NAALADL2: variants seen among roughly 807,000 people sequenced by gnomAD.
NAALADL2 encodes the protein N-acetylated alpha-linked acidic dipeptidase like 2, also known as inactive N-acetylated-alpha-linked acidic dipeptidase-like protein 2.
Under a neutral mutation model 87.2 loss-of-function variants are expected in NAALADL2, and 76 were observed. The observed-to-expected ratio is 0.87, with a 90% CI of 0.72 to 1.05. NAALADL2 has a LOEUF of 1.05. Ranked by LOEUF, NAALADL2 falls within the 50% of genes least tolerant of loss-of-function variation. The pLI is 0.00. For missense variants in NAALADL2, 1,089 were observed against 945.8 expected, an observed-to-expected ratio of 1.15 and a Z score of -1.99; for synonymous variants, 354 against 331.0, an observed-to-expected ratio of 1.07 and a Z score of -0.75.
intron 2 of NAALADL2, among the ~76,000 whole-genome samples, chr3:174,711,625 A>G (rs1415424330): frequency 2.0e-5 from 3 of 152,070 alleles, no homozygotes; most frequent in African/African-American, 7.2e-5. Context: ...TTCAGTGGCA[A>G]CCTTTATTCT....
At chr3:175,645,144 G>T (rs1178209989) in intron 11 of NAALADL2, among the ~76,000 whole-genome samples, 2 of 149,978 alleles carry the variant, frequency 1.3e-5, no homozygotes, top group East Asian at 2.0e-4. Context: ...CCTTTCATTT[G>T]CACAACAAAA....
chr3:174,840,156 T>C (rs1248516400), intron 3 of NAALADL2, among the ~76,000 whole-genome samples: 2 of 151,440 alleles, frequency 1.3e-5, no homozygotes, highest in Non-Finnish European at 2.9e-5. Context: ...ATATATCTAA[T>C]ATATATATCT....
chr3:175,785,994 G>A (rs1301002870), intron 13 of NAALADL2, among the ~76,000 whole-genome samples: 1 of 151,966 alleles, frequency 6.6e-6, no homozygotes, highest in Non-Finnish European at 1.5e-5. Context: ...GAAATTCTGG[G>A]TTGAAAATTC....
intron 11 of NAALADL2, among the ~76,000 whole-genome samples, chr3:175,637,127 T>G (rs1442627296): frequency 6.6e-6 from 1 of 152,230 alleles, no homozygotes; most frequent in African/African-American, 2.4e-5. Flanking sequence ...GAAATAAGCA[T>G]ACAGATATTG....
chr3:174,851,807 T>G (rs192983892), intron 3 of NAALADL2, among the ~76,000 whole-genome samples: 4 of 152,092 alleles, frequency 2.6e-5, no homozygotes, highest in Non-Finnish European at 4.4e-5. Context: ...TTTCTGATGA[T>G]CATAGATTCC....
At chr3:175,370,299 T>C (rs899200647) in intron 5 of NAALADL2, among the ~76,000 whole-genome samples, 4 of 152,186 alleles carry the variant, frequency 2.6e-5, no homozygotes. Flanking sequence ...CAAATTTTAA[T>C]AAAATAGGTT....
intron 12 of NAALADL2, among the ~76,000 whole-genome samples, chr3:175,754,256 C>G (rs1485104296): frequency 2.0e-5 from 3 of 152,162 alleles, no homozygotes; most frequent in Non-Finnish European, 4.4e-5. Context: ...GGCTCAATAA[C>G]TTTACCAATA....
chr3:175,654,433 G>C (rs1168638228), intron 11 of NAALADL2, among the ~76,000 whole-genome samples: 1 of 151,926 alleles, frequency 6.6e-6, no homozygotes, highest in African/African-American at 2.4e-5. Context: ...ACTATTAAAC[G>C]GTCCTTTGCT....
chr3:174,511,708 T>C (rs891404680), intron 1 of NAALADL2, among the ~76,000 whole-genome samples: 6 of 151,744 alleles, frequency 4.0e-5, no homozygotes, highest in Admixed American at 3.9e-4. Context: ...ATTTCTCTTA[T>C]CTGTTTTTTT....
chr3:175,323,521 A>T (rs1760224995), intron 4 of NAALADL2, among the ~76,000 whole-genome samples: 1 of 152,132 alleles, frequency 6.6e-6, no homozygotes, highest in South Asian at 2.1e-4. Context: ...TGTATGGTAG[A>T]TCCTCTATTA....
intron 5 of NAALADL2, among the ~76,000 whole-genome samples, chr3:175,358,026 T>C (rs1007129579): frequency 6.6e-6 from 1 of 152,134 alleles, no homozygotes; most frequent in African/African-American, 2.4e-5. Context: ...AATTATCAAA[T>C]GTAGAAAAGC....
At chr3:174,471,085 C>T (rs1246789322) in intron 1 of NAALADL2, among the ~76,000 whole-genome samples, 1 of 152,036 alleles carries the variant, frequency 6.6e-6, no homozygotes, top group African/African-American at 2.4e-5. Flanking sequence ...CAAGTGCCCT[C>T]CAGCAGTGCT....
chr3:174,525,420 G>A (rs1455458786), intron 1 of NAALADL2, among the ~76,000 whole-genome samples: 1 of 152,208 alleles, frequency 6.6e-6, no homozygotes, highest in Non-Finnish European at 1.5e-5. Context: ...GAGAGCAATA[G>A]CAAGAGCAAG....
chr3:174,737,518 A>G (rs1249781656), intron 2 of NAALADL2: 1 of 152,252 alleles, frequency 6.6e-6, no homozygotes, highest in Non-Finnish European at 1.5e-5. Flanking sequence ...TTGTCTGCTT[A>G]CAATAAAATG....
At chr3:174,685,185 T>C (rs1727917117) in intron 2 of NAALADL2, among the ~76,000 whole-genome samples, 1 of 152,132 alleles carries the variant, frequency 6.6e-6, no homozygotes, top group African/African-American at 2.4e-5. Context: ...AAGTGCCTAA[T>C]AGAAATCTCA....
chr3:175,266,106 T>C (rs940570353), intron 4 of NAALADL2, among the ~76,000 whole-genome samples: 1 of 150,776 alleles, frequency 6.6e-6, no homozygotes, highest in South Asian at 2.1e-4. Context: ...CAAAATTTCA[T>C]TAAGTCTATG....
intron 4 of NAALADL2, among the ~76,000 whole-genome samples, chr3:175,274,744 G>C (rs1156642597): frequency 2.0e-5 from 3 of 152,146 alleles, no homozygotes; most frequent in Admixed American, 2.0e-4. Flanking sequence ...AAAGTGTTCA[G>C]TTAGTGAATT....
At chr3:174,478,457 G>T (rs754095027) in intron 1 of NAALADL2, among the ~76,000 whole-genome samples, 5 of 151,894 alleles carry the variant, frequency 3.3e-5, no homozygotes, top group Non-Finnish European at 5.9e-5. Context: ...GATATAACTT[G>T]TTTAAACTAT....
intron 9 of NAALADL2, among the ~76,000 whole-genome samples, chr3:175,556,066 G>A (rs1311422645): frequency 6.6e-6 from 1 of 152,162 alleles, no homozygotes; most frequent in Admixed American, 6.6e-5. Context: ...TCGTCTCTGG[G>A]TAGCCAGCGA....
Sources: gnomAD v4.1 joint callset for allele counts (sites outside exome capture counted in the v4.1 genomes callset) on GRCh38, gnomAD v4.1.1 for gene constraint, MANE v1.5 for transcripts, NCBI Gene and HGNC (gene_info 2026-07-23, HGNC 2026-07-21) for gene names.